Variants in CHD3 observed in about 807,000 individuals in gnomAD.
The protein encoded by CHD3 is chromodomain helicase DNA binding protein 3, also known as ATP-dependent chromatin remodeler CHD3.
CHD3 carries 52 observed loss-of-function variants against 248.9 expected under a neutral mutation model. That is an observed-to-expected ratio of 0.21 (90% CI 0.17 to 0.26). The LOEUF is 0.26. Ranked by LOEUF, CHD3 falls within the 10% of genes least tolerant of loss-of-function variation. The probability of loss-of-function intolerance (pLI) is 1.00; values close to 1 mark genes in which losing one functional copy is unlikely to be tolerated. For missense variants in CHD3, 1,482 were observed against 2,605.8 expected, an observed-to-expected ratio of 0.57 and a Z score of 9.39; for synonymous variants, 985 against 985.2, an observed-to-expected ratio of 1.00 and a Z score of 0.00.
chr17:7,898,060 T>C lies in CHD3; in HGVS notation c.2009T>C (p.Ile670Thr). Residue 670 changes from isoleucine (I) to threonine (T), a missense_variant, in exon 12 of 40, where the codon ATC (isoleucine) becomes ACC (threonine). Around this residue, in one of 20 missense-constraint regions of CHD3, gnomAD observed 127 missense variants for 188.3 expected, o/e 0.67. Coordinates refer to ENST00000330494, the MANE Select transcript of CHD3 (RefSeq NM_001005273.3). ...QSTWEEDEMN[I>T]PEYEEHKQSY... ...ACGTGGGAGGAAGATGAAATGAATA[T>C]CCCTGAATACGAAGAACATAAGCAA... is the stretch of plus-strand genomic sequence containing the variant. 6.2e-7 allele frequency: 1 copy of C among 1,614,074 alleles called. No homozygotes were observed. The highest frequency in any genetic ancestry group is 8.5e-7 in the Non-Finnish European group (1 of 1,179,976).
chr17:7,908,072 A>G lies in CHD3; in HGVS notation c.5152+53A>G, dbSNP rs917567713. ...TCCTCAAGGGGATCTGCTCATCCTC[A>G]TGGGGTTTCTCGTTTTGCCTGAGGC... On this transcript the variant is annotated intron_variant, in intron 34 of 39. Transcript: ENST00000330494. The surrounding 1 kb of genome is among the most constrained non-coding windows in gnomAD (Gnocchi z 5.8). 5.9e-6 allele frequency: 9 copies of G among 1,538,172 alleles called. No homozygotes were observed. The African/African-American group carries it at 1.2e-4, about 21-fold the overall frequency.
At chr17:7,898,937 C>A in intron 13 of CHD3, 74 bp from the exon 14 acceptor site, 1 of 1,323,098 alleles carries the variant, frequency 7.6e-7, no homozygotes, top group Non-Finnish European at 1.1e-6. Context: ...GGTATCCATG[C>A]CAGGGAGGAA....
At chr17:7,884,908 G>A, upstream of CHD3, 1 of 1,417,348 alleles carries the variant, frequency 7.1e-7, no homozygotes, top group Non-Finnish European at 9.3e-7. Flanking sequence ...AGGAGGAGGA[G>A]GAGGTGGAGG....
In CHD3 at chr17:7,891,005, G is replaced by A. The variant is rs985947273; in HGVS notation, c.450G>A (p.Val150=). Residue 150 remains valine (V), a synonymous_variant, in exon 4 of 40, where the codon GTG becomes GTA. Coordinates refer to ENST00000330494, the MANE Select transcript of CHD3 (RefSeq NM_001005273.3). ...GGGGCCTGGAGGATGTGGAGCATGT[G>A]TTCTCTGAGGAGGATTACCACACGC... ...LTWGLEDVEH[V]FSEEDYHTLT... 7 of 1,613,958 alleles carry A rather than the reference G, an allele frequency of 4.3e-6. No homozygotes were observed. Among genetic ancestry groups the A allele is most frequent in the Non-Finnish European group, 5.9e-6 (7 of 1,179,916 alleles).
At position 7,890,936 on chromosome 17, in the gene CHD3, G is replaced by T; in HGVS notation, c.385-4G>T. On this transcript the variant is annotated splice_region_variant and splice_polypyrimidine_tract_variant and intron_variant, in intron 3 of 39. Transcript: ENST00000330494. ...CCTACTTCACCAAAGCCCCTCTCCC[G>T]CAGCAAGTGGAACAGAAGTCATCAG... 1 of 1,613,956 alleles carries T rather than the reference G, an allele frequency of 6.2e-7. No homozygotes were observed. The highest frequency in any genetic ancestry group is 8.5e-7 in the Non-Finnish European group (1 of 1,179,978).
Position 7,897,456 on chromosome 17 carries a change from C to T in CHD3, c.1919+162C>T, listed in dbSNP as rs546826554. On this transcript the variant is annotated intron_variant, in intron 11 of 39. Transcript: ENST00000330494. The surrounding 1 kb of genome is among the most constrained non-coding windows in gnomAD (Gnocchi z 4.8). ...TCTGGCCTTGTTTCCTCCAGGGGAA[C>T]GGGAGAAAACAGGAGGAAAATCCGG... Among the ~76,000 whole-genome samples the T allele has an allele frequency of 4.7e-4, 71 of 152,274 alleles. No individual in the cohort carries two copies. Among genetic ancestry groups the T allele is most frequent in the Admixed American group, 1.7e-3 (26 of 15,298 alleles).
chr17:7,898,693 CTG>C, intron 13 of CHD3, 98 bp downstream of exon 13: 1 of 906,278 alleles, frequency 1.1e-6, no homozygotes, highest in Non-Finnish European at 1.7e-6. Flanking sequence ...TCAGTAACCT[CTG>C]TGAACAGTAG....
rs538904585 is a variant in CHD3, at chr17:7,889,325, G to C, written c.100+225G>C. On this transcript the variant is annotated intron_variant, in intron 1 of 39. Coordinates refer to ENST00000330494, the MANE Select transcript of CHD3 (RefSeq NM_001005273.3). The surrounding 1 kb of genome is among the most constrained non-coding windows in gnomAD (Gnocchi z 4.5). ...GTTCCTGGGCAGGATGCCAGCTGGC[G>C]AAGTGAGGGGGAAGGCAGGAGGAGC... 2.0e-4 allele frequency among the ~76,000 whole-genome samples: 31 copies of C among 152,390 alleles called. No homozygotes were observed. In the South Asian group the frequency reaches 4.8e-3, roughly 23 times the overall value.
chr17:7,903,500 G>A lies in CHD3; in HGVS notation c.3724G>A (p.Glu1242Lys), dbSNP rs766775771. 1 of 1,611,930 alleles carries A rather than the reference G, an allele frequency of 6.2e-7. No individual in the cohort carries two copies. Among genetic ancestry groups the A allele is most frequent in the Admixed American group, 1.7e-5 (1 of 59,774 alleles). Residue 1242 changes from glutamate to lysine, a missense_variant, in exon 23 of 40, where the codon GAG becomes AAG. This residue lies in a region of CHD3 where 156 missense variants were observed against 420.3 expected (regional missense o/e 0.37). Transcript: ENST00000330494. This position sits in a 1 kb window ranked among gnomAD's most constrained non-coding sequence, Gnocchi z 6.8. ...TGAAGAGCTATTCAAGGATGAAAAC[G>A]AGGGTGAGAACCTTTTCTGCAGCTC... ...GTEELFKDEN[E>K]GENKEEDSSV... is the part of the protein sequence containing the mutation.
chr17:7,907,610 C>G lies in CHD3; in HGVS notation c.4934C>G (p.Ser1645Trp), dbSNP rs1292241915. 5 of 1,511,284 alleles carry G rather than the reference C, an allele frequency of 3.3e-6. No individual in the cohort carries two copies. The highest frequency in any genetic ancestry group is 3.5e-6 in the Non-Finnish European group (4 of 1,132,276). 93.6% of individuals were successfully genotyped at this position (1,511,284 alleles called of 1,614,324 possible). A position where few individuals can be genotyped will look rare whatever the true frequency, so the allele number is the denominator to read the frequency against. Residue 1645 changes from serine to tryptophan, a missense_variant, in exon 33 of 40, where the codon TCG becomes TGG. By Grantham distance (177) the Ser-to-Trp change is radical (BLOSUM62 -3). Around this residue, in one of 20 missense-constraint regions of CHD3, gnomAD observed 254 missense variants for 266.7 expected, o/e 0.95. Coordinates refer to ENST00000330494, the MANE Select transcript of CHD3 (RefSeq NM_001005273.3). This position sits in a 1 kb window ranked among gnomAD's most constrained non-coding sequence, Gnocchi z 4.3. ...RGDREKSATE[S>W]TPGERGEEKP... ...CTACCCCCTCCCACAGCCACAGAGT[C>G]GACGCCAGGAGAAAGGGGGGAGGAG...
In CHD3 at chr17:7,906,445, CTGGGGATT is replaced by C; in HGVS notation, c.4359-102_4359-95del. 1 of 1,190,286 alleles carries C rather than the reference CTGGGGATT, an allele frequency of 8.4e-7. No individual in the cohort carries two copies. Among genetic ancestry groups the C allele is most frequent in the African/African-American group, 1.5e-5 (1 of 66,176 alleles). The allele number at this position is 1,190,286 out of a possible 1,614,324, so 73.7% of individuals were successfully genotyped here. On this transcript the variant is annotated intron_variant, in intron 28 of 39. Transcript: ENST00000330494. This position sits in a 1 kb window ranked among gnomAD's most constrained non-coding sequence, Gnocchi z 5.0. ...GCCCAGGGGAGGAGCCCTGGAGCAC[CTGGGGATT>C]TGGGGGTTTGGGGGTCCTCAGTCAT... is the stretch of plus-strand genomic sequence containing the variant.
chr17:7,890,595 G>C lies in CHD3; in HGVS notation c.238G>C (p.Glu80Gln), dbSNP rs1011702964. ...KRDSEEEFGS[E>Q]RDEYREKSES... ...GGACAGTGAGGAGGAATTTGGTTCT[G>C]AGCGAGATGAGTACCGGGAGAAGTC... The change falls in exon 3 of 40, where the codon GAG (glutamate) becomes CAG (glutamine). Residue 80 changes from glutamate (E) to glutamine (Q), a missense_variant. Transcript: ENST00000330494. 1.9e-6 allele frequency: 3 copies of C among 1,594,518 alleles called. No homozygotes were observed. Among genetic ancestry groups the C allele is most frequent in the African/African-American group, 1.4e-5 (1 of 73,022 alleles).
rs1258492340 is a variant in CHD3, at chr17:7,911,146, C to G, written c.5881+173C>G. Among the ~76,000 whole-genome samples, 1 of 152,248 alleles carries G rather than the reference C, an allele frequency of 6.6e-6. No homozygotes were observed. Among genetic ancestry groups the G allele is most frequent in the African/African-American group, 2.4e-5 (1 of 41,470 alleles). On this transcript the variant is annotated intron_variant, in intron 39 of 39. Transcript: ENST00000330494. This position sits in a 1 kb window ranked among gnomAD's most constrained non-coding sequence, Gnocchi z 5.4. ...CCCCCACCCATCCCTTTCTTAACCC[C>G]TCTTCAGTCCCCTTTATTAAAAACC...
intron 10 of CHD3, among the ~76,000 whole-genome samples, chr17:7,896,649 C>T (rs1213157981): frequency 2.0e-5 from 3 of 151,346 alleles, no homozygotes; most frequent in Non-Finnish European, 4.4e-5. Flanking sequence ...AGGTGATCCA[C>T]CTGCCTCTGC....
rs1362499401 is a variant in CHD3 at position 7,895,088 on chromosome 17, C to T, written c.1441C>T (p.His481Tyr). 9.9e-6 allele frequency: 16 copies of T among 1,614,128 alleles called. No homozygotes were observed. Among genetic ancestry groups the T allele is most frequent in the Non-Finnish European group, 1.3e-5 (15 of 1,180,014 alleles). Residue 481 changes from histidine (H) to tyrosine (Y), a missense_variant, in exon 9 of 40, where the codon CAT becomes TAT. Coordinates refer to ENST00000330494, the MANE Select transcript of CHD3 (RefSeq NM_001005273.3). This position sits in a 1 kb window ranked among gnomAD's most constrained non-coding sequence, Gnocchi z 4.9. ...CDACISSYHI[H>Y]CLNPPLPDIP... is the part of the protein sequence containing the mutation. ...CGCGTGCATCTCCTCCTACCACATT[C>T]ATTGTCTAAACCCTCCCCTGCCTGA...
chr17:7,898,779 G>C (rs927806073), intron 13 of CHD3, among the ~76,000 whole-genome samples, 184 bp downstream of exon 13: 1 of 152,196 alleles, frequency 6.6e-6, no homozygotes, highest in Non-Finnish European at 1.5e-5. Flanking sequence ...AGCCACTAGA[G>C]ATAGCCCACT....
chr17:7,894,019 CAG>C, intron 6 of CHD3, 84 bp downstream of exon 6: 2 of 1,585,502 alleles, frequency 1.3e-6, no homozygotes, highest in Non-Finnish European at 8.6e-7. Context: ...GATCCAGAGA[CAG>C]GGATCCGTGA....
rs1970545767 is a variant in CHD3, at chr17:7,903,424, G to GGCA, written c.3650_3652dup (p.Ala1217dup). The GGCA allele has an allele frequency of 4.3e-6, 7 of 1,614,210 alleles. No individual in the cohort carries two copies. The East Asian group carries it at 1.6e-4, about 36-fold the overall frequency. Reference sequence around the variant, plus strand: ...TTGTGCGGCCTGGGCTGGGCTCCAAGGCAGGCTCCATGTCCAAGCAGGAGC... The same window carrying GGCA: ...TTGTGCGGCCTGGGCTGGGCTCCAAGGCAGCAGGCTCCATGTCCAAGCAGGAGC... On this transcript the variant is annotated inframe_insertion, in exon 23 of 40. Transcript: ENST00000330494. This position sits in a 1 kb window ranked among gnomAD's most constrained non-coding sequence, Gnocchi z 6.8.
chr17:7,911,402 T>C lies in CHD3; in HGVS notation c.5882-62T>C. 9.9e-6 allele frequency: 16 copies of C among 1,612,886 alleles called. No individual in the cohort carries two copies. Among genetic ancestry groups the C allele is most frequent in the Non-Finnish European group, 1.3e-5 (15 of 1,179,464 alleles). On this transcript the variant is annotated intron_variant, in intron 39 of 39. Coordinates refer to ENST00000330494, the MANE Select transcript of CHD3 (RefSeq NM_001005273.3). This position sits in a 1 kb window ranked among gnomAD's most constrained non-coding sequence, Gnocchi z 5.4. Reference sequence around the variant, plus strand: ...ACCTAGAAGTGAGAATTCACCATTGTCATGAAGTGACGTTTGAGAGTGATC... The same window carrying C: ...ACCTAGAAGTGAGAATTCACCATTGCCATGAAGTGACGTTTGAGAGTGATC...
Sources: allele counts gnomAD v4.1 joint callset (sites outside exome capture counted in the v4.1 genomes callset), GRCh38; gene constraint gnomAD v4.1.1; regional missense constraint gnomAD v4.1.1; non-coding constraint Gnocchi (gnomAD v3.1); transcripts MANE v1.5; gene names NCBI Gene and HGNC (gene_info 2026-07-23, HGNC 2026-07-21).